The following CTNNA3 variants were observed in gnomAD, a reference collection of about 807,000 sequenced individuals.
CTNNA3 encodes the protein catenin alpha 3.
CTNNA3 carries 76 observed loss-of-function variants against 95.7 expected under a neutral mutation model. That is an observed-to-expected ratio of 0.79 (90% confidence interval 0.66 to 0.96). CTNNA3 has a LOEUF of 0.96. Among genes scored for constraint, CTNNA3 ranks in the 40% least tolerant of loss-of-function variants. The pLI, the probability that CTNNA3 is intolerant of heterozygous loss-of-function variation, is 0.00. For synonymous variants in CTNNA3, 431 were observed against 374.4 expected (o/e 1.15, Z -1.74); for missense variants, 1,191 against 1,089.8 (o/e 1.09, Z -1.31).
At chr10:66,749,202 C>CAAAAAAA (rs35568730) in intron 9 of CTNNA3, among the ~76,000 whole-genome samples, 264 of 50,846 alleles carry the variant, frequency 5.2e-3, no homozygotes, top group Non-Finnish European at 6.8e-3. Flanking sequence ...AACTCCAACT[C>CAAAAAAA]AAAAAAAAAA....
chr10:67,247,306 A>G (rs2132347570), intron 5 of CTNNA3, among the ~76,000 whole-genome samples: 1 of 152,354 alleles, frequency 6.6e-6, no homozygotes, highest in South Asian at 2.1e-4. Flanking sequence ...AGATTGATAC[A>G]GTTCGCAAAA....
At chr10:67,752,884 T>C (rs2131750034) in intron 1 of CTNNA3, among the ~76,000 whole-genome samples, 1 of 152,140 alleles carries the variant, frequency 6.6e-6, no homozygotes, top group Admixed American at 6.5e-5. Flanking sequence ...ATCGTGAAAA[T>C]GGCCATACTA....
intron 7 of CTNNA3, among the ~76,000 whole-genome samples, chr10:66,833,745 C>T (rs926638503): frequency 1.3e-5 from 2 of 152,128 alleles, no homozygotes; most frequent in Admixed American, 1.3e-4. Flanking sequence ...AAGTGAACTA[C>T]ATATCCAATT....
At chr10:67,396,495 A>C (rs1844710762) in intron 5 of CTNNA3, among the ~76,000 whole-genome samples, 1 of 152,130 alleles carries the variant, frequency 6.6e-6, no homozygotes, top group Non-Finnish European at 1.5e-5. Context: ...GGGAGTTAGG[A>C]GTGTCAAACC....
intron 5 of CTNNA3, among the ~76,000 whole-genome samples, chr10:67,224,483 C>G (rs1864800029): frequency 6.6e-6 from 1 of 152,106 alleles, no homozygotes; most frequent in Non-Finnish European, 1.5e-5. Flanking sequence ...ACCCACAGAC[C>G]CTTTGAAGGA....
At chr10:66,386,415 G>C (rs941274226) in intron 11 of CTNNA3, among the ~76,000 whole-genome samples, 1 of 152,044 alleles carries the variant, frequency 6.6e-6, no homozygotes, top group African/African-American at 2.4e-5. Context: ...TTCAAGGAGA[G>C]CTACAAACCA....
intron 10 of CTNNA3, among the ~76,000 whole-genome samples, chr10:66,591,926 C>T (rs1451096748): frequency 6.6e-6 from 1 of 152,042 alleles, no homozygotes; most frequent in Non-Finnish European, 1.5e-5. Context: ...GTATATAACC[C>T]TATCAGCTCA....
rs183976387 is a variant in CTNNA3 at position 67,467,582 on chromosome 10, A to T, written c.579+54260T>A. ...ATTGAACAACATATTTTCATTCTAA[A>T]TACTCATTTAATCTAACATCTTAGA... On this transcript the variant is annotated intron_variant, in intron 5 of 17. Transcript: ENST00000433211. Among the ~76,000 whole-genome samples, 5 of 152,302 alleles carry T rather than the reference A, an allele frequency of 3.3e-5. No homozygotes were observed. In the East Asian group the frequency reaches 9.6e-4, roughly 29 times the overall value.
chr10:67,045,382 A>T (rs867974860), intron 7 of CTNNA3, among the ~76,000 whole-genome samples: 10 of 151,866 alleles, frequency 6.6e-5, no homozygotes, highest in African/African-American at 2.4e-4. Flanking sequence ...TCCATTTTTT[A>T]AAAAAAATTT....
intron 10 of CTNNA3, among the ~76,000 whole-genome samples, chr10:66,541,050 A>T (rs1363261440): frequency 4.6e-5 from 7 of 152,072 alleles, no homozygotes; most frequent in Admixed American, 1.3e-4. Flanking sequence ...TTTTTCTCTC[A>T]AAAAGAAAAA....
At chr10:66,078,059 T>G (rs2080610381) in intron 14 of CTNNA3, among the ~76,000 whole-genome samples, 2 of 151,880 alleles carry the variant, frequency 1.3e-5, no homozygotes. Context: ...CTTTTTCCAC[T>G]TGATATCTTA....
intron 7 of CTNNA3, among the ~76,000 whole-genome samples, chr10:66,778,061 G>A (rs1398476691): frequency 6.6e-6 from 1 of 152,050 alleles, no homozygotes; most frequent in Non-Finnish European, 1.5e-5. Context: ...ATGTTTCACT[G>A]GGTCAAAGAC....
intron 2 of CTNNA3, among the ~76,000 whole-genome samples, chr10:67,615,790 G>A (rs1843637028): frequency 6.7e-6 from 1 of 150,268 alleles, no homozygotes; most frequent in Non-Finnish European, 1.5e-5. Flanking sequence ...AGCCTCCCAA[G>A]TAGCTGGCAT....
intron 5 of CTNNA3, among the ~76,000 whole-genome samples, chr10:67,230,983 G>A (rs1210091244): frequency 2.0e-5 from 3 of 152,174 alleles, no homozygotes; most frequent in African/African-American, 4.8e-5. Flanking sequence ...AAAAAACGGC[G>A]CACCAGGAGA....
chr10:67,139,576 C>A (rs970229917), intron 7 of CTNNA3, among the ~76,000 whole-genome samples: 1 of 151,796 alleles, frequency 6.6e-6, no homozygotes, highest in Non-Finnish European at 1.5e-5. Context: ...CCACACCCAG[C>A]TAATTTTTGT....
At chr10:65,933,819 G>A (rs910441589) in intron 17 of CTNNA3, among the ~76,000 whole-genome samples, 13 of 152,196 alleles carry the variant, frequency 8.5e-5, no homozygotes, top group Non-Finnish European at 1.5e-4. Flanking sequence ...ATTTTATTCA[G>A]GCAATTAAAC....
intron 6 of CTNNA3, among the ~76,000 whole-genome samples, chr10:67,216,364 G>A (rs999126017): frequency 3.3e-5 from 5 of 152,122 alleles, no homozygotes; most frequent in African/African-American, 1.2e-4. Context: ...GCTTCTGGTA[G>A]TTTCCATCAC....
At chr10:66,148,798 A>T (rs1206942645) in intron 13 of CTNNA3, among the ~76,000 whole-genome samples, 1 of 152,146 alleles carries the variant, frequency 6.6e-6, no homozygotes, top group African/African-American at 2.4e-5. Context: ...GTGTGTATGT[A>T]TTTATAAAAT....
At chr10:66,724,794 T>C (rs1848730867) in intron 9 of CTNNA3, among the ~76,000 whole-genome samples, 1 of 152,184 alleles carries the variant, frequency 6.6e-6, no homozygotes, top group Admixed American at 6.5e-5. Flanking sequence ...ATCTCACTAC[T>C]TCTGAGACCA....
Sources: allele counts gnomAD v4.1 joint callset (sites outside exome capture counted in the v4.1 genomes callset), GRCh38; gene constraint gnomAD v4.1.1; transcripts MANE v1.5; gene names NCBI Gene and HGNC (gene_info 2026-07-23, HGNC 2026-07-21).